The following NCALD variants were observed in gnomAD, a reference collection of about 807,000 sequenced individuals.
NCALD encodes the protein neurocalcin-delta.
Under a neutral mutation model 18.6 loss-of-function variants are expected in NCALD, and 10 were observed. The ratio of observed to expected loss-of-function variants is 0.54; its 90% CI spans 0.33 to 0.91. The LOEUF (loss-of-function observed/expected upper bound fraction) is 0.91. Ranked by LOEUF, NCALD falls within the 40% of genes least tolerant of loss-of-function variation. The pLI is 0.03. For missense variants in NCALD, 184 were observed against 247.6 expected (o/e 0.74, Z 1.72); for synonymous variants, 88 against 87.4 (o/e 1.01, Z -0.04).
At chr8:101,992,068 C>T (rs912818980) in intron 2 of NCALD, among the ~76,000 whole-genome samples, 2 of 152,202 alleles carry the variant, frequency 1.3e-5, no homozygotes, top group African/African-American at 4.8e-5. Flanking sequence ...TACTACACTC[C>T]ATGTGGCAAG....
chr8:101,801,665 T>C (rs1053681098), intron 4 of NCALD, among the ~76,000 whole-genome samples: 4 of 100,058 alleles, frequency 4.0e-5, no homozygotes, highest in Non-Finnish European at 7.6e-5. Flanking sequence ...TTTTTTTTTT[T>C]TTTTTTTTTT....
intron 2 of NCALD, among the ~76,000 whole-genome samples, chr8:102,002,713 A>G (rs1821524395): frequency 6.6e-6 from 1 of 152,264 alleles, no homozygotes; most frequent in African/African-American, 2.4e-5. Flanking sequence ...AGAACTCAGG[A>G]TTAAGAAACG....
At position 102,103,637 on chromosome 8, in the gene NCALD, C is replaced by T. The variant is rs533932958; in HGVS notation, c.-210+20600G>A. Among the ~76,000 whole-genome samples, 7 of 152,282 alleles carry T rather than the reference C, an allele frequency of 4.6e-5. No individual in the cohort carries two copies. The South Asian group carries it at 1.5e-3, about 32-fold the overall frequency. ...TGGTGCAGTCACAGCTCACTGCAGC[C>T]TTGACCTCATGGGCTCAAGCAATCC... On this transcript the variant is annotated intron_variant, in intron 1 of 6. Transcript: ENST00000311028.
At chr8:102,016,014 C>T (rs78454735) in intron 2 of NCALD, among the ~76,000 whole-genome samples, 1,577 of 152,182 alleles carry the variant, frequency 0.01, 32 homozygotes, top group African/African-American at 0.035. Context: ...CATCTACCTC[C>T]CAAACTTCAT....
At chr8:101,691,148 A>T in intron 3 of NCALD, 1 of 985,416 alleles carries the variant, frequency 1.0e-6, no homozygotes, top group Non-Finnish European at 1.2e-6. Flanking sequence ...GGGGTCCAGC[A>T]GCCAAGCACT....
chr8:102,096,082 G>T (rs952309082), intron 1 of NCALD, among the ~76,000 whole-genome samples: 1 of 152,176 alleles, frequency 6.6e-6, no homozygotes, highest in African/African-American at 2.4e-5. Flanking sequence ...AGGCACTAAA[G>T]GGCAGAAAAC....
intron 1 of NCALD, among the ~76,000 whole-genome samples, chr8:102,111,184 C>T (rs924735087): frequency 6.6e-6 from 1 of 151,978 alleles, no homozygotes; most frequent in Non-Finnish European, 1.5e-5. Context: ...GGAACAGCAC[C>T]AAAGGTCCAG....
At chr8:101,880,460 G>T (rs866435807) in intron 4 of NCALD, among the ~76,000 whole-genome samples, 16 of 152,192 alleles carry the variant, frequency 1.1e-4, no homozygotes, top group Admixed American at 1.0e-3. Flanking sequence ...CCCCCACAGC[G>T]CAGTGGCGGA....
intron 4 of NCALD, among the ~76,000 whole-genome samples, chr8:101,861,856 G>A (rs375994908): frequency 2.6e-5 from 4 of 152,172 alleles, no homozygotes; most frequent in East Asian, 3.8e-4. Flanking sequence ...TAGCTGTTAA[G>A]GCTGCGTGTG....
intron 1 of NCALD, among the ~76,000 whole-genome samples, chr8:102,045,105 A>C (rs1403860146): frequency 3.3e-5 from 5 of 152,244 alleles, no homozygotes; most frequent in African/African-American, 1.2e-4. Flanking sequence ...ACAGTAATGC[A>C]CTGCTGCCAT....
At chr8:101,863,177 T>A (rs964345073) in intron 4 of NCALD, among the ~76,000 whole-genome samples, 1 of 152,162 alleles carries the variant, frequency 6.6e-6, no homozygotes, top group Non-Finnish European at 1.5e-5. Context: ...TCACCTCTCA[T>A]TCTCTTTCAT....
At chr8:101,816,971 T>TA (rs199827884) in intron 4 of NCALD, among the ~76,000 whole-genome samples, 98 of 150,382 alleles carry the variant, frequency 6.5e-4, no homozygotes, top group African/African-American at 9.0e-4. Flanking sequence ...AAAGTGTCTT[T>TA]AAAAAAAAAA....
intron 2 of NCALD, among the ~76,000 whole-genome samples, chr8:101,959,059 A>T (rs550780105): frequency 2.2e-4 from 34 of 152,142 alleles, no homozygotes; most frequent in Admixed American, 4.6e-4. Context: ...GACCCCATTT[A>T]TGTTCATCCA....
upstream of NCALD, among the ~76,000 whole-genome samples, chr8:101,791,932 G>A (rs375983706): frequency 2.0e-5 from 3 of 152,216 alleles, no homozygotes; most frequent in Admixed American, 6.5e-5. Context: ...CCTTTACGAC[G>A]ACCCTAGCTT....
At chr8:101,822,962 T>C (rs996032505) in intron 4 of NCALD, among the ~76,000 whole-genome samples, 42 of 152,340 alleles carry the variant, frequency 2.8e-4, no homozygotes, top group African/African-American at 9.9e-4. Flanking sequence ...CCCTTACTGA[T>C]GCAATTAATC....
chr8:101,746,745 A>T (rs1446794063), intron 1 of NCALD, among the ~76,000 whole-genome samples: 1 of 151,788 alleles, frequency 6.6e-6, no homozygotes, highest in African/African-American at 2.4e-5. Flanking sequence ...AATATATTAC[A>T]TTTATGTCTT....
intron 2 of NCALD, among the ~76,000 whole-genome samples, chr8:101,948,324 A>C (rs1006112281): frequency 1.3e-5 from 2 of 152,208 alleles, no homozygotes; most frequent in African/African-American, 4.8e-5. Context: ...GTGAAGAAGA[A>C]GGAGACCCAA....
At chr8:101,904,255 G>T (rs531586695) in intron 3 of NCALD, among the ~76,000 whole-genome samples, 1 of 152,252 alleles carries the variant, frequency 6.6e-6, no homozygotes, top group Admixed American at 6.5e-5. Context: ...TCTGTCCTGT[G>T]CAATCAGCAA....
rs150870440 is a variant in NCALD, at chr8:102,083,818, T to C, written c.-210+40419A>G. 1.9e-3 allele frequency among the ~76,000 whole-genome samples: 291 copies of C among 152,342 alleles called. 3 individuals are homozygous for C. Among genetic ancestry groups the C allele is most frequent in the African/African-American group, 6.2e-3 (257 of 41,576 alleles). On this transcript the variant is annotated intron_variant, in intron 1 of 6. Coordinates refer to the NCALD transcript ENST00000311028. ...TGCATAACTTTCTCCCATTTTCTGA[T>C]CCCATCATCACCTCTATATAGTCAC... is the stretch of plus-strand genomic sequence containing the variant.
Sources: allele counts gnomAD v4.1 joint callset (sites outside exome capture counted in the v4.1 genomes callset), GRCh38; gene constraint gnomAD v4.1.1; transcripts MANE v1.5; gene names NCBI Gene and HGNC (gene_info 2026-07-23, HGNC 2026-07-21).